The following CFAP251 variants were observed in gnomAD, a reference collection of about 807,000 sequenced individuals.
The protein encoded by CFAP251 is cilia and flagella associated protein 251.
In CFAP251, 93 loss-of-function variants were observed where a neutral mutation model predicts 126.7. The observed-to-expected ratio is 0.73, with a 90% CI of 0.62 to 0.87. The LOEUF (loss-of-function observed/expected upper bound fraction) is 0.87, where lower values mean the gene tolerates loss of function less well. CFAP251 is among the 40% of genes least tolerant of loss of function. The pLI, the probability that CFAP251 is intolerant of heterozygous loss-of-function variation, is 0.00. For synonymous variants in CFAP251, 503 were observed against 506.9 expected, an observed-to-expected ratio of 0.99 and a Z score of 0.10; for missense variants, 1,287 against 1,389.2, an observed-to-expected ratio of 0.93 and a Z score of 1.17.
chr12:121,928,646 A>ATATATACG (rs1880527010), intron 3 of CFAP251, among the ~76,000 whole-genome samples: 3 of 20,862 alleles, frequency 1.4e-4, no homozygotes, highest in East Asian at 1.0e-3. Flanking sequence ...ACGTATATAT[A>ATATATACG]TATATATATA....
intron 5 of CFAP251, among the ~76,000 whole-genome samples, chr12:121,939,991 T>C (rs1408481490): frequency 6.6e-6 from 1 of 152,226 alleles, no homozygotes; most frequent in Non-Finnish European, 1.5e-5. Context: ...AAATCCTTCA[T>C]GGTACTTAAG....
chr12:121,969,666 T>C (rs943222648), intron 17 of CFAP251: 1 of 871,380 alleles, frequency 1.1e-6, no homozygotes, highest in Non-Finnish European at 1.4e-6. Flanking sequence ...TAAAAAAATT[T>C]TTTTTGTCGA....
chr12:121,926,223 C>T (rs2135746426), intron 3 of CFAP251, among the ~76,000 whole-genome samples: 1 of 152,104 alleles, frequency 6.6e-6, no homozygotes, highest in African/African-American at 2.4e-5. Flanking sequence ...TCAATCCTCC[C>T]ACTTCAGCCT....
chr12:122,000,278 G>A (rs1006890678), intron 20 of CFAP251, among the ~76,000 whole-genome samples: 36 of 152,320 alleles, frequency 2.4e-4, no homozygotes, highest in African/African-American at 6.7e-4. Context: ...GGGGCCGGGC[G>A]CAGTGGCTCA....
intron 15 of CFAP251, among the ~76,000 whole-genome samples, chr12:121,966,520 G>A (rs1461751522): frequency 1.6e-5 from 2 of 121,514 alleles, no homozygotes; most frequent in Non-Finnish European, 3.3e-5. Flanking sequence ...TGATCCACCT[G>A]CCTCGGCCTC....
At chr12:121,944,365 A>G (rs1881238880) in intron 7 of CFAP251, among the ~76,000 whole-genome samples, 1 of 152,184 alleles carries the variant, frequency 6.6e-6, no homozygotes, top group African/African-American at 2.4e-5. Flanking sequence ...GTGTTAACAC[A>G]GTAGCCACCA....
intron 7 of CFAP251, among the ~76,000 whole-genome samples, chr12:121,946,155 A>G (rs979391172): frequency 6.6e-6 from 1 of 152,166 alleles, no homozygotes; most frequent in Admixed American, 6.5e-5. Flanking sequence ...CCAGAATTTC[A>G]TGTACAATAA....
chr12:121,995,090 G>A (rs1337245345), intron 19 of CFAP251, among the ~76,000 whole-genome samples: 6 of 152,298 alleles, frequency 3.9e-5, no homozygotes, highest in African/African-American at 9.6e-5. Context: ...CAATGCATAC[G>A]TATTACTGTA....
At chr12:121,943,971 C>T (rs953516653) in intron 7 of CFAP251, among the ~76,000 whole-genome samples, 5 of 152,160 alleles carry the variant, frequency 3.3e-5, no homozygotes, top group African/African-American at 9.7e-5. Flanking sequence ...GTGCTCTTAA[C>T]TACTTCAAAC....
chr12:121,942,902 G>C lies in CFAP251; in HGVS notation c.1118G>C (p.Cys373Ser), dbSNP rs1367592215. The C allele has an allele frequency of 2.5e-6, 4 of 1,614,192 alleles. No individual in the cohort carries two copies. The highest frequency in any genetic ancestry group is 2.5e-6 in the Non-Finnish European group (3 of 1,180,030). The change falls in exon 7 of 22, where the codon TGC becomes TCC. Residue 373 changes from cysteine to serine, a missense_variant. By Grantham distance (112) the Cys-to-Ser change is moderately radical. Transcript: ENST00000288912. The part of the protein sequence containing the change: ...TISDAEVQKV[C>S]IWKWTLAVET... ...CTCTACTGTCACCTACAGAAGGTAT[G>C]CATCTGGAAGTGGACTTTGGCAGTG...
chr12:121,944,863 G>A (rs970144465), intron 7 of CFAP251, among the ~76,000 whole-genome samples: 7 of 152,070 alleles, frequency 4.6e-5, no homozygotes, highest in African/African-American at 1.7e-4. Context: ...GCTCACTGCA[G>A]CCTCTGCCTC....
intron 12 of CFAP251, among the ~76,000 whole-genome samples, chr12:121,958,730 C>T (rs1057382301): frequency 6.6e-6 from 1 of 152,044 alleles, no homozygotes; most frequent in African/African-American, 2.4e-5. Flanking sequence ...GATGAGGCGC[C>T]TTCTCTCTGG....
intron 5 of CFAP251, among the ~76,000 whole-genome samples, chr12:121,938,974 G>A (rs1219160490): frequency 2.1e-5 from 3 of 146,324 alleles, no homozygotes; most frequent in African/African-American, 4.9e-5. Context: ...GCGACAGAGC[G>A]AGAATTCATC....
At chr12:121,955,957 A>G (rs1403726289) in intron 10 of CFAP251, 1 of 152,168 alleles carries the variant, frequency 6.6e-6, no homozygotes, top group Admixed American at 6.5e-5. Context: ...GGGCAGGGAC[A>G]GATGTTCAAG....
At chr12:121,930,727 G>C (rs2135752021) in intron 3 of CFAP251, among the ~76,000 whole-genome samples, 1 of 150,232 alleles carries the variant, frequency 6.7e-6, no homozygotes, top group Non-Finnish European at 1.5e-5. Flanking sequence ...AAATACCCAG[G>C]CTGAATAATT....
chr12:121,924,754 G>T (rs1290550799), intron 3 of CFAP251, among the ~76,000 whole-genome samples: 2 of 152,256 alleles, frequency 1.3e-5, no homozygotes, highest in East Asian at 3.9e-4. Flanking sequence ...TTAAAGTTCG[G>T]TTAAGAGCTC....
intron 19 of CFAP251, among the ~76,000 whole-genome samples, chr12:121,981,050 C>T (rs933389653): frequency 1.3e-5 from 2 of 152,222 alleles, no homozygotes; most frequent in East Asian, 3.9e-4. Flanking sequence ...GGGGGCTCTT[C>T]CCTCAGTATT....
In CFAP251 at chr12:121,942,661, C is replaced by T; in HGVS notation, c.1110+16C>T. On this transcript the variant is annotated intron_variant, in intron 6 of 21. Transcript: ENST00000288912. ...TGAAGTCCAGGTAAAGGCCCTGGCCCTTTGGGTCAGCATCAGCGAGCTGGC... is the reference window on the plus strand; with the variant it reads ...TGAAGTCCAGGTAAAGGCCCTGGCCTTTTGGGTCAGCATCAGCGAGCTGGC... 1.9e-6 allele frequency: 3 copies of T among 1,602,436 alleles called. No individual in the cohort carries two copies. The highest frequency in any genetic ancestry group is 2.6e-6 in the Non-Finnish European group (3 of 1,173,962).
chr12:121,935,373 C>T (rs11043251), intron 5 of CFAP251, among the ~76,000 whole-genome samples: 48,830 of 152,160 alleles, frequency 0.32, 10,133 homozygotes, highest in Non-Finnish European at 0.47. Flanking sequence ...CAGGTTCCCA[C>T]ATTAGTTACA....
Sources: allele counts gnomAD v4.1 joint callset (sites outside exome capture counted in the v4.1 genomes callset), GRCh38; gene constraint gnomAD v4.1.1; transcripts MANE v1.5; gene names NCBI Gene and HGNC (gene_info 2026-07-23, HGNC 2026-07-21).